PALS2: variants seen among roughly 807,000 people sequenced by gnomAD.
PALS2 encodes protein PALS2.
In PALS2, 27 loss-of-function variants were observed where a neutral mutation model predicts 61.6. The observed-to-expected ratio is 0.44, with a 90% CI of 0.32 to 0.60. PALS2 has a LOEUF of 0.60. Among genes scored for constraint, PALS2 ranks in the 20% least tolerant of loss-of-function variants. PALS2 has a pLI of 0.05. For missense variants in PALS2, 554 were observed against 639.4 expected, an observed-to-expected ratio of 0.87 and a Z score of 1.44; for synonymous variants, 236 against 218.6, an observed-to-expected ratio of 1.08 and a Z score of -0.70.
At chr7:24,642,295 AG>A (rs1271523038) in intron 3 of PALS2, among the ~76,000 whole-genome samples, 2 of 152,192 alleles carry the variant, frequency 1.3e-5, no homozygotes, top group African/African-American at 2.4e-5. Context: ...TGTGAAGTAT[AG>A]AAACTATTGT....
intron 1 of PALS2, among the ~76,000 whole-genome samples, chr7:24,582,861 T>C (rs953775033): frequency 2.0e-5 from 3 of 151,204 alleles, no homozygotes; most frequent in Non-Finnish European, 2.9e-5. Context: ...TAAAGTTGCT[T>C]ATTTTTGAAA....
intron 5 of PALS2, among the ~76,000 whole-genome samples, chr7:24,654,258 T>C (rs1214243586): frequency 1.3e-5 from 2 of 151,120 alleles, no homozygotes; most frequent in Non-Finnish European, 2.9e-5. Flanking sequence ...GCACCACTTA[T>C]ATTTAATATT....
intron 5 of PALS2, among the ~76,000 whole-genome samples, chr7:24,655,630 A>ATTTTTTTTTT (rs770410952): frequency 1.0e-5 from 1 of 96,926 alleles, no homozygotes; most frequent in African/African-American, 4.0e-5. Flanking sequence ...TAGTTAGTAG[A>ATTTTTTTTTT]TTTTTTTTTT....
intron 5 of PALS2, among the ~76,000 whole-genome samples, chr7:24,657,128 A>T (rs1583960448): frequency 6.6e-6 from 1 of 152,120 alleles, no homozygotes; most frequent in Non-Finnish European, 1.5e-5. Context: ...CAGTTTGTTT[A>T]TCCATTACCT....
At chr7:24,578,632 A>C (rs1352068539) in intron 1 of PALS2, among the ~76,000 whole-genome samples, 1 of 152,166 alleles carries the variant, frequency 6.6e-6, no homozygotes, top group African/African-American at 2.4e-5. Context: ...AAATATGGCC[A>C]CCAGTAGCTT....
rs373025686 is a variant in PALS2 at position 24,596,045 on chromosome 7, C to T, written c.-3+22452C>T. On this transcript the variant is annotated intron_variant, in intron 1 of 11. Transcript: ENST00000222644. The surrounding 1 kb of genome is among the most constrained non-coding windows in gnomAD (Gnocchi z 4.5). ...TACAGTGGGTGACAAATCATGAAGG[C>T]GCTAAGCGGCCATGGTCAAGAGTGT... is the stretch of plus-strand genomic sequence containing the variant. Among the ~76,000 whole-genome samples, 6 of 151,960 alleles carry T rather than the reference C, an allele frequency of 3.9e-5. No homozygotes were observed. The highest frequency in any genetic ancestry group is 1.9e-4 in the East Asian group (1 of 5,172).
intron 9 of PALS2, among the ~76,000 whole-genome samples, chr7:24,670,234 G>C (rs895470585): frequency 1.3e-5 from 2 of 151,992 alleles, no homozygotes; most frequent in African/African-American, 4.8e-5. Flanking sequence ...GGAATCTCTG[G>C]AGTTCTGTTT....
At chr7:24,664,813 A>G (rs557573313) in intron 6 of PALS2, among the ~76,000 whole-genome samples, 83 of 151,378 alleles carry the variant, frequency 5.5e-4, no homozygotes, top group African/African-American at 1.9e-3. Flanking sequence ...CCAGTTTTCC[A>G]TTTTTTTTCT....
intron 6 of PALS2, among the ~76,000 whole-genome samples, 181 bp downstream of exon 6, chr7:24,663,902 A>C (rs933334998): frequency 1.3e-5 from 2 of 152,214 alleles, no homozygotes; most frequent in African/African-American, 4.8e-5. Flanking sequence ...GGGAATTTGC[A>C]ACTTAATAAG....
chr7:24,622,683 CTTTT>C (rs70942815), intron 1 of PALS2, among the ~76,000 whole-genome samples: 1 of 135,694 alleles, frequency 7.4e-6, no homozygotes, highest in Non-Finnish European at 1.6e-5. Context: ...TTTCTTTTTT[CTTTT>C]TTTTTTTTTT....
intron 9 of PALS2, among the ~76,000 whole-genome samples, chr7:24,673,639 G>GT (rs140043137): frequency 4.9e-4 from 75 of 151,942 alleles, no homozygotes; most frequent in Non-Finnish European, 7.5e-4. Context: ...TCATAGTAAT[G>GT]TTTTTTCTTT....
chr7:24,634,108 A>T lies in PALS2; in HGVS notation c.118-7608A>T, dbSNP rs140633384. ...TATTATGAAGTTGTGAGAGTCTTTC[A>T]TGTATTCTGGGTACAAGTCTTTTAT... On this transcript the variant is annotated intron_variant, in intron 2 of 11. Coordinates refer to ENST00000222644, the MANE Select transcript of PALS2 (RefSeq NM_001303037.2). Among the ~76,000 whole-genome samples the T allele has an allele frequency of 3.0e-3, 451 of 152,254 alleles. 16 individuals carry two copies. The highest frequency in any genetic ancestry group is 0.024 in the Admixed American group (371 of 15,294).
chr7:24,634,452 G>A (rs1020006196), intron 2 of PALS2, among the ~76,000 whole-genome samples: 7 of 152,046 alleles, frequency 4.6e-5, no homozygotes, highest in South Asian at 2.1e-4. Flanking sequence ...GTATGGTCTC[G>A]ATCTCCTGAC....
intron 3 of PALS2, among the ~76,000 whole-genome samples, chr7:24,644,495 GGT>G (rs1309158461): frequency 6.7e-6 from 1 of 149,256 alleles, no homozygotes; most frequent in Admixed American, 6.7e-5. Flanking sequence ...GGTATTCCAT[GGT>G]GTGTGTGTGT....
At chr7:24,657,346 C>G (rs1183710977) in intron 5 of PALS2, among the ~76,000 whole-genome samples, 1 of 152,070 alleles carries the variant, frequency 6.6e-6, no homozygotes, top group African/African-American at 2.4e-5. Flanking sequence ...TATGAAAGTT[C>G]CAATTACTCT....
intron 1 of PALS2, among the ~76,000 whole-genome samples, chr7:24,611,991 A>G (rs373434336): frequency 1.3e-5 from 2 of 152,132 alleles, no homozygotes; most frequent in African/African-American, 4.8e-5. Context: ...AAAGAAACTG[A>G]TAGATTCTAG....
rs561462920 is a variant in PALS2 at position 24,680,485 on chromosome 7, G to A, written c.1411G>A (p.Val471Met). Residue 471 changes from valine to methionine, a missense_variant, in exon 11 of 12, where the codon GTG (valine) becomes ATG (methionine). Coordinates refer to ENST00000222644, the MANE Select transcript of PALS2 (RefSeq NM_001303037.2). ...LETLRAMHKA[V>M]VDAGITTKLL... is the part of the protein sequence containing the mutation. ...GACGTTACGTGCCATGCACAAGGCT[G>A]TGGTGGATGCAGGAATCACTACCAA... 6.2e-7 allele frequency: 1 copy of A among 1,613,980 alleles called. No homozygotes were observed. Among genetic ancestry groups the A allele is most frequent in the Non-Finnish European group, 8.5e-7 (1 of 1,179,948 alleles).
chr7:24,670,825 A>T (rs749801377), intron 9 of PALS2, among the ~76,000 whole-genome samples: 10 of 152,166 alleles, frequency 6.6e-5, no homozygotes, highest in African/African-American at 2.4e-4. Flanking sequence ...GCTTCTTAAC[A>T]TGTCAGATCT....
At chr7:24,593,858 A>G (rs1462839652) in intron 1 of PALS2, among the ~76,000 whole-genome samples, 1 of 152,122 alleles carries the variant, frequency 6.6e-6, no homozygotes, top group East Asian at 1.9e-4. Context: ...ATGGTAAATG[A>G]GGATTGGCTT....
Sources: gnomAD v4.1 joint callset for allele counts (sites outside exome capture counted in the v4.1 genomes callset) on GRCh38, gnomAD v4.1.1 for gene constraint, Gnocchi (gnomAD v3.1) non-coding constraint, MANE v1.5 for transcripts, NCBI Gene and HGNC (gene_info 2026-07-23, HGNC 2026-07-21) for gene names.